Variants in KCNAB1 observed in about 807,000 individuals in gnomAD.
KCNAB1 encodes potassium voltage-gated channel subfamily A regulatory beta subunit 1, also known as voltage-gated potassium channel subunit beta-1.
In KCNAB1, 35 loss-of-function variants were observed where a neutral mutation model predicts 64.6. That is an observed-to-expected ratio of 0.54 (90% CI 0.41 to 0.72). The LOEUF is 0.72. Among genes scored for constraint, KCNAB1 ranks in the 30% least tolerant of loss-of-function variants. KCNAB1 has a pLI of 0.00. For missense variants in KCNAB1, 401 were observed against 512.9 expected, an observed-to-expected ratio of 0.78 and a Z score of 2.11; for synonymous variants, 177 against 183.8, an observed-to-expected ratio of 0.96 and a Z score of 0.30.
rs569253573 is a variant in KCNAB1 at position 156,144,685 on chromosome 3, G to T, written c.275+23799G>T. ...CTTCTCCGTGTTTCCTCGACCCTCA[G>T]TGGTGGTAGTGATGGTGATGTGAAC... On this transcript the variant is annotated intron_variant, in intron 1 of 13. Transcript: ENST00000490337. Among the ~76,000 whole-genome samples the T allele has an allele frequency of 3.9e-5, 6 of 152,294 alleles. No individual in the cohort carries two copies. The South Asian group carries it at 1.0e-3, about 26-fold the overall frequency.
chr3:156,172,166 A>C (rs1329957355), intron 1 of KCNAB1, among the ~76,000 whole-genome samples: 1 of 152,260 alleles, frequency 6.6e-6, no homozygotes, highest in Non-Finnish European at 1.5e-5. Flanking sequence ...ATTAAACCAC[A>C]TACTATGAGC....
intron 2 of KCNAB1, among the ~76,000 whole-genome samples, chr3:156,427,566 A>C (rs1715902087): frequency 6.6e-6 from 1 of 152,208 alleles, no homozygotes; most frequent in African/African-American, 2.4e-5. Context: ...ATCAATTGCT[A>C]AGAAATGACA....
At chr3:156,404,392 C>T (rs73019934) in intron 1 of KCNAB1, among the ~76,000 whole-genome samples, 6,835 of 152,106 alleles carry the variant, frequency 0.045, 525 homozygotes, top group African/African-American at 0.16. Flanking sequence ...TCCATCAGTC[C>T]GTGGAACTGA....
At chr3:156,385,211 T>G (rs1712496659) in intron 1 of KCNAB1, among the ~76,000 whole-genome samples, 1 of 152,188 alleles carries the variant, frequency 6.6e-6, no homozygotes, top group Admixed American at 6.5e-5. Flanking sequence ...ACATGTGCCC[T>G]AAGGAAGCTC....
chr3:156,222,711 T>G (rs998280722), intron 1 of KCNAB1, among the ~76,000 whole-genome samples: 3 of 152,080 alleles, frequency 2.0e-5, no homozygotes, highest in Admixed American at 6.5e-5. Context: ...TTTAAGAAAA[T>G]CTAAATTTCA....
At chr3:156,296,362 C>T (rs1276695818) in intron 1 of KCNAB1, among the ~76,000 whole-genome samples, 1 of 151,962 alleles carries the variant, frequency 6.6e-6, no homozygotes, top group Non-Finnish European at 1.5e-5. Flanking sequence ...AAACTCCCTC[C>T]TCCTCATTCT....
intron 1 of KCNAB1, among the ~76,000 whole-genome samples, chr3:156,244,433 C>T (rs964468520): frequency 6.6e-6 from 1 of 152,218 alleles, no homozygotes; most frequent in East Asian, 1.9e-4. Context: ...CATAATTACA[C>T]CACCAAAGTC....
At chr3:156,149,137 C>T (rs1318471237) in intron 1 of KCNAB1, among the ~76,000 whole-genome samples, 1 of 152,080 alleles carries the variant, frequency 6.6e-6, no homozygotes, top group African/African-American at 2.4e-5. Flanking sequence ...CCCCAGTGTC[C>T]GAAGATCTCC....
chr3:156,246,332 G>T (rs141638808), intron 1 of KCNAB1, among the ~76,000 whole-genome samples: 2 of 152,092 alleles, frequency 1.3e-5, no homozygotes, highest in Non-Finnish European at 2.9e-5. Flanking sequence ...TAGGCCAGGC[G>T]CGGTGGCTCA....
intron 1 of KCNAB1, among the ~76,000 whole-genome samples, chr3:156,154,978 G>T (rs73876118): frequency 6.6e-6 from 1 of 152,134 alleles, no homozygotes; most frequent in South Asian, 2.1e-4. Flanking sequence ...ATCCTGTATG[G>T]GTTAAATATT....
At chr3:156,286,810 G>T (rs557569294) in intron 1 of KCNAB1, among the ~76,000 whole-genome samples, 1 of 152,258 alleles carries the variant, frequency 6.6e-6, no homozygotes, top group South Asian at 2.1e-4. Context: ...TTGCAGTGGG[G>T]ATCACTATGC....
At chr3:156,289,774 A>G (rs1720292135) in intron 1 of KCNAB1, among the ~76,000 whole-genome samples, 1 of 152,236 alleles carries the variant, frequency 6.6e-6, no homozygotes, top group Non-Finnish European at 1.5e-5. Context: ...CATGTTTGGA[A>G]TAGAATGCAA....
chr3:156,463,863 GTTTTTT>G, intron 6 of KCNAB1, 117 bp downstream of exon 6: 1 of 574,968 alleles, frequency 1.7e-6, no homozygotes, highest in Non-Finnish European at 2.8e-6. Flanking sequence ...AGGGTTTTTT[GTTTTTT>G]TTTTGTTTTT....
chr3:156,423,584 A>T (rs553427487), intron 2 of KCNAB1, among the ~76,000 whole-genome samples: 5 of 152,360 alleles, frequency 3.3e-5, no homozygotes, highest in South Asian at 4.2e-4. Flanking sequence ...CACAGTGACA[A>T]GATAGCATTA....
intron 2 of KCNAB1, among the ~76,000 whole-genome samples, chr3:156,444,906 C>T (rs1576876091): frequency 6.6e-6 from 1 of 152,338 alleles, no homozygotes; most frequent in East Asian, 1.9e-4. Context: ...TACTCCACCA[C>T]TTACTAGTTA....
At chr3:156,251,212 G>A (rs1233139744) in intron 1 of KCNAB1, among the ~76,000 whole-genome samples, 1 of 152,200 alleles carries the variant, frequency 6.6e-6, no homozygotes, top group Non-Finnish European at 1.5e-5. Context: ...TGTGTGAGAT[G>A]GAGGCTTTAA....
intron 2 of KCNAB1, among the ~76,000 whole-genome samples, chr3:156,423,278 A>G (rs143272332): frequency 1.3e-3 from 204 of 152,332 alleles, no homozygotes; most frequent in South Asian, 2.7e-3. Context: ...GAGAGGAAAA[A>G]ATGATGCGGA....
Position 156,474,807 on chromosome 3 carries a change from C to T in KCNAB1, c.645C>T (p.Asn215=), listed in dbSNP as rs1172642812. 1 of 1,612,358 alleles carries T rather than the reference C, an allele frequency of 6.2e-7. No homozygotes were observed. Among genetic ancestry groups the T allele is most frequent in the Non-Finnish European group, 8.5e-7 (1 of 1,178,616 alleles). The change falls in exon 8 of 14, where the codon AAC becomes AAT. Residue 215 remains asparagine (N), a synonymous_variant. Transcript: ENST00000490337. ...DVVFANRPDS[N]TPMEEIVRAM... The stretch of plus-strand genomic sequence containing the variant: ...TCTTTGCAAATCGACCGGACAGTAA[C>T]ACTCCCATGGAAGGTAAGTTAAGAA...
intron 1 of KCNAB1, among the ~76,000 whole-genome samples, chr3:156,336,020 A>G (rs1489679286): frequency 1.3e-5 from 2 of 152,134 alleles, no homozygotes; most frequent in African/African-American, 2.4e-5. Flanking sequence ...CAATTCTAGG[A>G]ACTATAATTA....
Sources: gnomAD v4.1 joint callset for allele counts (sites outside exome capture counted in the v4.1 genomes callset) on GRCh38, gnomAD v4.1.1 for gene constraint, MANE v1.5 for transcripts, NCBI Gene and HGNC (gene_info 2026-07-23, HGNC 2026-07-21) for gene names.